ZC3H12D: variants seen among roughly 807,000 people sequenced by gnomAD.
ZC3H12D encodes probable ribonuclease ZC3H12D.
In ZC3H12D, 11 loss-of-function variants were observed where a neutral mutation model predicts 24.2. The observed-to-expected ratio is 0.46, with a 90% CI of 0.29 to 0.75. The LOEUF (loss-of-function observed/expected upper bound fraction) is 0.75. ZC3H12D is among the 30% of genes least tolerant of loss of function. ZC3H12D has a pLI of 0.11. For missense variants in ZC3H12D, 740 were observed against 767.7 expected (o/e 0.96, Z 0.43); for synonymous variants, 333 against 341.8 (o/e 0.97, Z 0.28).
At chr6:149,453,381 C>T (rs1306949684) in intron 4 of ZC3H12D, among the ~76,000 whole-genome samples, 1 of 151,854 alleles carries the variant, frequency 6.6e-6, no homozygotes, top group Non-Finnish European at 1.5e-5. Flanking sequence ...ATCTGCACAA[C>T]TGGGAGATTG....
In ZC3H12D at chr6:149,449,993, G is replaced by A; in HGVS notation, c.*690C>T. On this transcript the variant is annotated 3_prime_UTR_variant, in exon 6 of 6. Transcript: ENST00000409806. ...GGGTATGTGTGTGAAGGCCCCAGAAGGTGGCCCTGGGACAAAGCGCTCCTA... is the reference window on the plus strand; with the variant it reads ...GGGTATGTGTGTGAAGGCCCCAGAAAGTGGCCCTGGGACAAAGCGCTCCTA... The A allele has an allele frequency of 7.1e-6, 1 of 140,046 alleles. No homozygotes were observed. Among genetic ancestry groups the A allele is most frequent in the Non-Finnish European group, 1.5e-5 (1 of 64,852 alleles). 8.7% of individuals were successfully genotyped at this position (140,046 alleles called of 1,614,324 possible).
chr6:149,461,211 C>T (rs1472115760), intron 3 of ZC3H12D, among the ~76,000 whole-genome samples: 2 of 151,704 alleles, frequency 1.3e-5, no homozygotes, highest in East Asian at 3.9e-4. Flanking sequence ...TGTGGTGGCA[C>T]ATGCATGTAA....
At chr6:149,451,536 G>T (rs1775896149) in intron 5 of ZC3H12D, 57 bp from the exon 6 acceptor site, 4 of 1,408,344 alleles carry the variant, frequency 2.8e-6, no homozygotes, top group Non-Finnish European at 3.8e-6. Context: ...GCGGAGGGGC[G>T]GTGGTTCCTG....
At chr6:149,469,435 G>A (rs1776211384) in intron 2 of ZC3H12D, among the ~76,000 whole-genome samples, 1 of 152,084 alleles carries the variant, frequency 6.6e-6, no homozygotes, top group South Asian at 2.1e-4. Flanking sequence ...TCCAGCCTGG[G>A]CGACAGAGCG....
At chr6:149,468,721 A>G (rs1229404065) in intron 2 of ZC3H12D, among the ~76,000 whole-genome samples, 1 of 152,202 alleles carries the variant, frequency 6.6e-6, no homozygotes, top group Admixed American at 6.5e-5. Flanking sequence ...ATGGGTGCAG[A>G]CAGGCAGGAG....
Position 149,468,409 on chromosome 6 carries a change from G to C in ZC3H12D, c.305+5830C>G, listed in dbSNP as rs1486501831. Among the ~76,000 whole-genome samples the C allele has an allele frequency of 2.0e-5, 3 of 152,208 alleles. No individual in the cohort carries two copies. In the East Asian group the frequency reaches 5.8e-4, roughly 29 times the overall value. On this transcript the variant is annotated intron_variant, in intron 2 of 5. Transcript: ENST00000409806. ...GAGTGCCAGCCAGTTTCAGTAACTA[G>C]ACAATCCAATTGTACACCACTGCAT...
rs537979370 is a variant in ZC3H12D at position 149,470,583 on chromosome 6, T to C, written c.305+3656A>G. ...TGTATATATTTATTTCAAGCATATGTAAAATAACCACCTTGAATCCTCACC... is the reference window on the plus strand; with the variant it reads ...TGTATATATTTATTTCAAGCATATGCAAAATAACCACCTTGAATCCTCACC... On this transcript the variant is annotated intron_variant, in intron 2 of 5. Coordinates refer to ENST00000409806, the MANE Select transcript of ZC3H12D (RefSeq NM_207360.3). Among the ~76,000 whole-genome samples, 7 of 151,886 alleles carry C rather than the reference T, an allele frequency of 4.6e-5. No homozygotes were observed. The South Asian group carries it at 1.5e-3, about 32-fold the overall frequency.
In ZC3H12D at chr6:149,452,513, G is replaced by T; in HGVS notation, c.787+103C>A. 1 of 991,898 alleles carries T rather than the reference G, an allele frequency of 1.0e-6. No homozygotes were observed. The highest frequency in any genetic ancestry group is 2.0e-5 in the South Asian group (1 of 50,838). The allele number at this position is 991,898 out of a possible 1,614,324, so 61.4% of individuals were successfully genotyped here. ...GCTGGAGGGCAGAACTTGGGCAAGAGCCCAGGCCGCTGAGCACCAGGCCAG... is the reference window on the plus strand; with the variant it reads ...GCTGGAGGGCAGAACTTGGGCAAGATCCCAGGCCGCTGAGCACCAGGCCAG... On this transcript the variant is annotated intron_variant, in intron 5 of 5. Coordinates refer to ENST00000409806, the MANE Select transcript of ZC3H12D (RefSeq NM_207360.3). The surrounding 1 kb of genome is among the most constrained non-coding windows in gnomAD (Gnocchi z 4.0).
chr6:149,460,208 C>T (rs182882246), intron 3 of ZC3H12D, among the ~76,000 whole-genome samples: 9 of 152,290 alleles, frequency 5.9e-5, no homozygotes, highest in Non-Finnish European at 8.8e-5. Flanking sequence ...TCCAAAAATC[C>T]GACCAACATG....
At chr6:149,478,934 C>T (rs368050196) in intron 1 of ZC3H12D, among the ~76,000 whole-genome samples, 3 of 152,318 alleles carry the variant, frequency 2.0e-5, no homozygotes, top group East Asian at 1.9e-4. Flanking sequence ...AAGAAATACA[C>T]CAAATTCCTA....
intron 2 of ZC3H12D, among the ~76,000 whole-genome samples, chr6:149,463,628 G>A (rs868778537): frequency 6.6e-6 from 1 of 152,216 alleles, no homozygotes; most frequent in Non-Finnish European, 1.5e-5. Context: ...AGAATTGCTC[G>A]AACCTGGGAG....
chr6:149,471,976 A>G (rs973322856), intron 2 of ZC3H12D, among the ~76,000 whole-genome samples: 2 of 152,238 alleles, frequency 1.3e-5, no homozygotes, highest in Non-Finnish European at 2.9e-5. Flanking sequence ...AGTGAAAGGG[A>G]ATTTTCAGAA....
At position 149,452,647 on chromosome 6, in the gene ZC3H12D, G is replaced by GGGATTC. The variant is rs1193472030; in HGVS notation, c.755_756insGAATCC (p.Pro252_Pro253insAsnPro). 3 of 1,603,310 alleles carry GGGATTC rather than the reference G, an allele frequency of 1.9e-6. No homozygotes were observed. In the Admixed American group the frequency reaches 5.1e-5, roughly 27 times the overall value. ...GACAATGCTGCCAGGATGGCTCTGG[G>GGGATTC]GGCTTCGGCTTCCTGCTCAGGAAGT... On this transcript the variant is annotated inframe_insertion, in exon 5 of 6. Coordinates refer to ENST00000409806, the MANE Select transcript of ZC3H12D (RefSeq NM_207360.3). This position sits in a 1 kb window ranked among gnomAD's most constrained non-coding sequence, Gnocchi z 4.0.
At chr6:149,482,510 C>A (rs1448701386) in intron 1 of ZC3H12D, among the ~76,000 whole-genome samples, 1 of 152,196 alleles carries the variant, frequency 6.6e-6, no homozygotes, top group Non-Finnish European at 1.5e-5. Context: ...ACAGGAGCAG[C>A]TTCCTGTTGT....
At position 149,448,258 on chromosome 6, in the gene ZC3H12D, C is replaced by G. The variant is rs965654288; in HGVS notation, c.*2425G>C. 6.6e-6 allele frequency: 1 copy of G among 151,898 alleles called. No individual in the cohort carries two copies. Among genetic ancestry groups the G allele is most frequent in the African/African-American group, 2.4e-5 (1 of 41,318 alleles). 9.4% of individuals were successfully genotyped at this position (151,898 alleles called of 1,614,324 possible). ...AGTGAGCCAAGATTGCGCCACTGCACTCCAGCCTGGGTGACAGAGCGAGAC... is the reference window on the plus strand; with the variant it reads ...AGTGAGCCAAGATTGCGCCACTGCAGTCCAGCCTGGGTGACAGAGCGAGAC... On this transcript the variant is annotated 3_prime_UTR_variant, in exon 6 of 6. Transcript: ENST00000409806.
Position 149,450,646 on chromosome 6 carries a change from G to A in ZC3H12D, c.*37C>T. ...GGTCCACCCGTCCAAGACGCAAGGC[G>A]AGGCTGGGCCATTCCCTGCAAGTGC... On this transcript the variant is annotated 3_prime_UTR_variant, in exon 6 of 6. Coordinates refer to ENST00000409806, the MANE Select transcript of ZC3H12D (RefSeq NM_207360.3). 4 of 1,470,988 alleles carry A rather than the reference G, an allele frequency of 2.7e-6. No homozygotes were observed. The highest frequency in any genetic ancestry group is 1.4e-5 in the African/African-American group (1 of 71,118). The allele number at this position is 1,470,988 out of a possible 1,614,324, so 91.1% of individuals were successfully genotyped here.
intron 4 of ZC3H12D, among the ~76,000 whole-genome samples, chr6:149,454,823 C>T (rs1253552322): frequency 6.6e-6 from 1 of 152,248 alleles, no homozygotes; most frequent in Non-Finnish European, 1.5e-5. Flanking sequence ...AGGCTACAGA[C>T]GGACAGTGAG....
chr6:149,462,860 C>T (rs1392138123), intron 2 of ZC3H12D, among the ~76,000 whole-genome samples: 1 of 152,118 alleles, frequency 6.6e-6, no homozygotes, highest in Non-Finnish European at 1.5e-5. Context: ...GGCTCTTGGG[C>T]CTTTGGCCAC....
chr6:149,467,160 C>A (rs1251249398), intron 2 of ZC3H12D, among the ~76,000 whole-genome samples: 1 of 152,160 alleles, frequency 6.6e-6, no homozygotes, highest in African/African-American at 2.4e-5. Flanking sequence ...CTCATCTGCA[C>A]GTTCCTTCAC....
Sources: gnomAD v4.1 joint callset for allele counts (sites outside exome capture counted in the v4.1 genomes callset) on GRCh38, gnomAD v4.1.1 for gene constraint, Gnocchi (gnomAD v3.1) non-coding constraint, MANE v1.5 for transcripts, NCBI Gene and HGNC (gene_info 2026-07-23, HGNC 2026-07-21) for gene names.